Variants in FASN observed in about 807,000 individuals in gnomAD.
FASN encodes fatty acid synthase, also known as 3-hydroxyacyl-[acyl-carrier-protein] dehydratase.
FASN carries 50 observed loss-of-function variants against 250.0 expected under a neutral mutation model. That is an observed-to-expected ratio of 0.20 (90% CI 0.16 to 0.25). The LOEUF is 0.25. FASN is among the 10% of genes least tolerant of loss of function. The pLI is 1.00. For synonymous variants in FASN, 1,909 were observed against 1,584.0 expected (o/e 1.21, Z -4.87); for missense variants, 3,031 against 3,498.5 (o/e 0.87, Z 3.37).
chr17:82,078,665 G>A lies in FASN; in HGVS notation c.*478C>T, dbSNP rs1286059868. 2 of 236,240 alleles carry A rather than the reference G, an allele frequency of 8.5e-6. No individual in the cohort carries two copies. The highest frequency in any genetic ancestry group is 1.7e-5 in the Non-Finnish European group (2 of 117,994). 14.6% of individuals were successfully genotyped at this position (236,240 alleles called of 1,614,324 possible). A position where few individuals can be genotyped will look rare whatever the true frequency, so the allele number is the denominator to read the frequency against. On this transcript the variant is annotated 3_prime_UTR_variant, in exon 43 of 43. Coordinates refer to ENST00000306749, the MANE Select transcript of FASN (RefSeq NM_004104.5). The surrounding 1 kb of genome is among the most constrained non-coding windows in gnomAD (Gnocchi z 5.4). ...CACTCAGCGGGCTGAGCCAATGCCTGGCCGAGAGGGGGCCGCAGCCAGCAG... is the reference window on the plus strand; with the variant it reads ...CACTCAGCGGGCTGAGCCAATGCCTAGCCGAGAGGGGGCCGCAGCCAGCAG...
chr17:82,083,691 A>G (rs888211869), intron 30 of FASN, 52 bp from the exon 31 acceptor site: 2 of 1,604,876 alleles, frequency 1.2e-6, no homozygotes, highest in African/African-American at 2.7e-5. Context: ...CCCAGCCACC[A>G]CAGTCCAGAG....
chr17:82,085,501 C>A lies in FASN; in HGVS notation c.4103G>T (p.Gly1368Val), dbSNP rs1358125024. 1.3e-6 allele frequency: 2 copies of A among 1,593,914 alleles called. No homozygotes were observed. Among genetic ancestry groups the A allele is most frequent in the East Asian group, 2.3e-5 (1 of 43,844 alleles). Residue 1368 changes from glycine (G) to valine (V), a missense_variant, in exon 23 of 43, where the codon GGC (glycine) becomes GTC (valine). Transcript: ENST00000306749. ...CCGCACCTGGCTCAGGATGCCCTGG[C>A]CATACTGCGGCTCAGTGGAGGTGAG... The part of the protein sequence containing the change: ...AFLTSTEPQY[G>V]QGILSQDAWE...
Position 82,095,488 on chromosome 17 carries a change from G to T in FASN, c.128-16C>A, listed in dbSNP as rs1170546495. The T allele has an allele frequency of 6.2e-6, 10 of 1,610,864 alleles. No individual in the cohort carries two copies. The highest frequency in any genetic ancestry group is 1.3e-5 in the African/African-American group (1 of 74,892). Reference sequence around the variant, plus strand: ...CCGTAGAGCCCTGTGGGACAGGCGGGTGTTTAAATCTCTGACGGAAGCTGC... The same window carrying T: ...CCGTAGAGCCCTGTGGGACAGGCGGTTGTTTAAATCTCTGACGGAAGCTGC... On this transcript the variant is annotated splice_polypyrimidine_tract_variant and intron_variant, in intron 2 of 42. Coordinates refer to ENST00000306749, the MANE Select transcript of FASN (RefSeq NM_004104.5).
chr17:82,082,181 C>T, intron 35 of FASN, 21 bp from the exon 36 acceptor site: 4 of 1,601,352 alleles, frequency 2.5e-6, no homozygotes, highest in East Asian at 2.2e-5. Flanking sequence ...GCGTGTCACT[C>T]CCCATTGGCC....
chr17:82,093,206 G>A lies in FASN; in HGVS notation c.655+13C>T. On this transcript the variant is annotated intron_variant, in intron 5 of 42. Coordinates refer to ENST00000306749, the MANE Select transcript of FASN (RefSeq NM_004104.5). The stretch of plus-strand genomic sequence containing the variant: ...CTGTCCCGCCTGCCCTGGCCGCGCA[G>A]CCGCACACTCACCCGCTGTGTCGAA... 6.4e-7 allele frequency: 1 copy of A among 1,567,606 alleles called. No homozygotes were observed. Among genetic ancestry groups the A allele is most frequent in the Non-Finnish European group, 8.6e-7 (1 of 1,157,238 alleles).
Position 82,087,782 on chromosome 17 carries a change from G to T in FASN, c.2946C>A (p.Pro982=). 1.2e-6 allele frequency: 2 copies of T among 1,612,620 alleles called. No homozygotes were observed. The highest frequency in any genetic ancestry group is 1.7e-6 in the Non-Finnish European group (2 of 1,179,962). The change falls in exon 19 of 43, where the codon CCC becomes CCA. Residue 982 remains proline, a synonymous_variant. Coordinates refer to ENST00000306749, the MANE Select transcript of FASN (RefSeq NM_004104.5). ...AAACTTCAGCCTGGGCCAGGAAGAG[G>T]GGCTCCGTGGGGTTGGGGGTGGGGC... ...PESPTPNPTE[P]LFLAQAEVYK... is the part of the protein sequence containing the mutation.
rs751832838 is a variant in FASN at position 82,085,688 on chromosome 17, C to T, written c.3916G>A (p.Ala1306Thr). The T allele has an allele frequency of 1.4e-5, 22 of 1,572,438 alleles. No individual in the cohort carries two copies. In the East Asian group the frequency reaches 2.1e-4, roughly 15 times the overall value. ...QWDPADPAPS[A>T]LGSADLLVCN... ...ACCAGGAGGTCGGCGCTGCCCAGGG[C>T]GCTGGGGGCAGGGTCTGCGGGATCC... Residue 1306 changes from alanine (A) to threonine (T), a missense_variant, in exon 23 of 43, where the codon GCC (alanine) becomes ACC (threonine). Ala to Thr is a moderately conservative substitution (Grantham distance 58). Coordinates refer to ENST00000306749, the MANE Select transcript of FASN (RefSeq NM_004104.5).
chr17:82,098,138 G>C lies in FASN; in HGVS notation c.-25C>G, dbSNP rs1422497287. The C allele has an allele frequency of 2.9e-6, 1 of 350,258 alleles. No homozygotes were observed. Among genetic ancestry groups the C allele is most frequent in the African/African-American group, 2.1e-5 (1 of 46,588 alleles). 21.7% of individuals were successfully genotyped at this position (350,258 alleles called of 1,614,324 possible). ...GCTCGTACCTGGTGAGGGCGCGGGC[G>C]GCGGTGCGGGCGGCGGAGAGCGAGG... On this transcript the variant is annotated 5_prime_UTR_variant, in exon 1 of 43. Transcript: ENST00000306749.
In FASN at chr17:82,082,027, G is replaced by A. The variant is rs774467499; in HGVS notation, c.6145C>T (p.Arg2049Trp). Reference sequence around the variant, plus strand: ...GGCCCACCTGGGAGGCCTTCGTGCCGGCGTTTCTCACAGATACGCTCCATG... The same window carrying A: ...GGCCCACCTGGGAGGCCTTCGTGCCAGCGTTTCTCACAGATACGCTCCATG... Reference protein sequence around the residue: ...SAMERICEKRRHEGLPGLAVQ... With the variant: ...SAMERICEKRWHEGLPGLAVQ... The change falls in exon 36 of 43, where the codon CGG (arginine) becomes TGG (tryptophan). Residue 2049 changes from arginine (R) to tryptophan (W), a missense_variant. Arg to Trp is a moderately radical substitution (Grantham distance 101). Transcript: ENST00000306749. 1.5e-5 allele frequency: 24 copies of A among 1,609,298 alleles called. No individual in the cohort carries two copies. The highest frequency in any genetic ancestry group is 6.7e-5 in the Admixed American group (4 of 59,990).
At position 82,087,035 on chromosome 17, in the gene FASN, G is replaced by A. The variant is rs376381970; in HGVS notation, c.3427+15C>T. The A allele has an allele frequency of 9.8e-5, 157 of 1,610,210 alleles. No homozygotes were observed. The highest frequency in any genetic ancestry group is 9.4e-5 in the Non-Finnish European group (111 of 1,179,606). On this transcript the variant is annotated intron_variant, in intron 21 of 42. Transcript: ENST00000306749. ...TCGCCAGAGGTGTCCGAAGCCAGCA[G>A]GGCTGGGACCTCACCCTTGCACAGT...
At position 82,081,835 on chromosome 17, in the gene FASN, C is replaced by T. The variant is rs752767411; in HGVS notation, c.6172G>A (p.Val2058Met). The T allele has an allele frequency of 3.6e-5, 58 of 1,597,542 alleles. No individual in the cohort carries two copies. Among genetic ancestry groups the T allele is most frequent in the Non-Finnish European group, 4.1e-5 (48 of 1,173,754 alleles). ...RRHEGLPGLA[V>M]QWGAIGDVGI... is the part of the protein sequence containing the mutation. ...ACGTCGCCGATGGCGCCCCACTGCA[C>T]GGCCAGGCCTGTGGGGGAGGGGGCA... is the stretch of plus-strand genomic sequence containing the variant. Residue 2058 changes from valine to methionine, a missense_variant, in exon 37 of 43, where the codon GTG (valine) becomes ATG (methionine). Val to Met is a conservative substitution (Grantham distance 21, BLOSUM62 1). Coordinates refer to ENST00000306749, the MANE Select transcript of FASN (RefSeq NM_004104.5).
In FASN at chr17:82,081,848, G is replaced by C. The variant is rs17848958; in HGVS notation, c.6164-5C>G. 3.2e-5 allele frequency: 52 copies of C among 1,601,196 alleles called. No individual in the cohort carries two copies. The highest frequency in any genetic ancestry group is 4.0e-5 in the Non-Finnish European group (47 of 1,176,620). On this transcript the variant is annotated splice_region_variant and splice_polypyrimidine_tract_variant and intron_variant, in intron 36 of 42. Coordinates refer to ENST00000306749, the MANE Select transcript of FASN (RefSeq NM_004104.5). Reference sequence around the variant, plus strand: ...CGCCCCACTGCACGGCCAGGCCTGTGGGGGAGGGGGCAGGTGGGCAGAGCT... The same window carrying C: ...CGCCCCACTGCACGGCCAGGCCTGTCGGGGAGGGGGCAGGTGGGCAGAGCT...
In FASN at chr17:82,093,431, G is replaced by A. The variant is rs754834087; in HGVS notation, c.455-12C>T. The A allele has an allele frequency of 5.6e-6, 9 of 1,596,004 alleles. No homozygotes were observed. In the East Asian group the frequency reaches 2.0e-4, roughly 36 times the overall value. Reference sequence around the variant, plus strand: ...TGCGATGCTGGGCCCTGCAAGGAAGGGTGCTGCGGCTCAGGTGGGGCTGTG... The same window carrying A: ...TGCGATGCTGGGCCCTGCAAGGAAGAGTGCTGCGGCTCAGGTGGGGCTGTG... On this transcript the variant is annotated splice_polypyrimidine_tract_variant and intron_variant, in intron 4 of 42. Transcript: ENST00000306749.
At chr17:82,081,497 T>A in intron 37 of FASN, 104 bp downstream of exon 37, 1 of 1,591,596 alleles carries the variant, frequency 6.3e-7, no homozygotes, top group Non-Finnish European at 8.5e-7. Flanking sequence ...ACCCTGGCTC[T>A]GCAGATGGGG....
rs1453149356 is a variant in FASN, at chr17:82,083,863, C to A, written c.5127G>T (p.Gln1709His). The A allele has an allele frequency of 5.7e-6, 9 of 1,583,792 alleles. No individual in the cohort carries two copies. Among genetic ancestry groups the A allele is most frequent in the Non-Finnish European group, 6.9e-6 (8 of 1,165,524 alleles). The change falls in exon 30 of 43, where the codon CAG (glutamine) becomes CAT (histidine). Residue 1709 changes from glutamine to histidine, a missense_variant. Transcript: ENST00000306749. The part of the protein sequence containing the change: ...VGSAEKRAYL[Q>H]ARFPQLDSTS... ...TGCTGTCGAGCTGGGGGAACCTGGCCTGGAGGTACGCCCGCTTCTCAGCCG... is the reference window on the plus strand; with the variant it reads ...TGCTGTCGAGCTGGGGGAACCTGGCATGGAGGTACGCCCGCTTCTCAGCCG...
In FASN at chr17:82,080,783, G is replaced by T; in HGVS notation, c.6735C>A (p.Phe2245Leu). ...TGGAGCCCTCGATTGGGTGCACCAG[G>T]AACAGGGGCCGCTCCGAGCTCTGCA... ...NSVQSSERPL[F>L]LVHPIEGSTT... Residue 2245 changes from phenylalanine (F) to leucine (L), a missense_variant, in exon 39 of 43, where the codon TTC becomes TTA. By Grantham distance (22) the Phe-to-Leu change is conservative. Transcript: ENST00000306749. 6.2e-7 allele frequency: 1 copy of T among 1,605,098 alleles called. No individual in the cohort carries two copies. The highest frequency in any genetic ancestry group is 8.5e-7 in the Non-Finnish European group (1 of 1,177,040).
Position 82,079,094 on chromosome 17 carries a change from TG to T in FASN, c.*48del. The T allele has an allele frequency of 4.3e-6, 5 of 1,165,022 alleles. No individual in the cohort carries two copies. Among genetic ancestry groups the T allele is most frequent in the Non-Finnish European group, 5.5e-6 (5 of 907,102 alleles). The allele number at this position is 1,165,022 out of a possible 1,614,324, so 72.2% of individuals were successfully genotyped here. On this transcript the variant is annotated 3_prime_UTR_variant, in exon 43 of 43. Transcript: ENST00000306749. The stretch of plus-strand genomic sequence containing the variant: ...GTTGCATGGCGGGGGTGGGGTGGGG[TG>T]GGGTGGGGATGGTGGAGTGACCTCC...
At position 82,082,177 on chromosome 17, in the gene FASN, C is replaced by T. The variant is rs1304265771; in HGVS notation, c.6012-17G>A. The T allele has an allele frequency of 3.7e-6, 6 of 1,601,450 alleles. No homozygotes were observed. Among genetic ancestry groups the T allele is most frequent in the Non-Finnish European group, 8.5e-7 (1 of 1,179,900 alleles). On this transcript the variant is annotated splice_polypyrimidine_tract_variant and intron_variant, in intron 35 of 42. Transcript: ENST00000306749. ...CGGGTCACCCTGTGGGCACGCGTGT[C>T]ACTCCCCATTGGCCAGCATCCCCAG...
intron 33 of FASN, 96 bp from the exon 34 acceptor site, chr17:82,082,774 T>A: frequency 1.3e-6 from 2 of 1,554,932 alleles, no homozygotes; most frequent in Non-Finnish European, 1.7e-6. Context: ...CAGAGCCCCA[T>A]CCAGCAAGCC....
Sources: gnomAD v4.1 joint callset for allele counts on GRCh38, gnomAD v4.1.1 for gene constraint, Gnocchi (gnomAD v3.1) non-coding constraint, MANE v1.5 for transcripts, NCBI Gene and HGNC (gene_info 2026-07-23, HGNC 2026-07-21) for gene names.